The following CRISPLD2 variants were observed in gnomAD, a reference collection of about 807,000 sequenced individuals.
The protein encoded by CRISPLD2 is cysteine rich secretory protein LCCL domain containing 2, also known as cysteine-rich secretory protein LCCL domain-containing 2.
CRISPLD2 carries 47 observed loss-of-function variants against 71.1 expected under a neutral mutation model. The ratio of observed to expected loss-of-function variants is 0.66; its 90% CI spans 0.52 to 0.84. The LOEUF (loss-of-function observed/expected upper bound fraction) is 0.84. CRISPLD2 is among the 40% of genes least tolerant of loss of function. CRISPLD2 has a pLI of 0.00. For synonymous variants in CRISPLD2, 317 were observed against 250.1 expected (o/e 1.27, Z -2.52); for missense variants, 830 against 651.1 (o/e 1.27, Z -2.99).
intron 13 of CRISPLD2, 41 bp downstream of exon 13, chr16:84,880,625 G>C (rs2071560108): frequency 1.3e-6 from 2 of 1,521,656 alleles, no homozygotes; most frequent in African/African-American, 1.4e-5. Flanking sequence ...CGCAAAGCCT[G>C]TTAAAGACCT....
intron 10 of CRISPLD2, chr16:84,873,477 CAAA>C (rs1188564241): frequency 1.8e-4 from 4 of 22,722 alleles, no homozygotes; most frequent in Non-Finnish European, 3.9e-4. Flanking sequence ...AACTCCGTCT[CAAA>C]AAAAAAAAAA....
intron 14 of CRISPLD2, among the ~76,000 whole-genome samples, chr16:84,895,575 A>G (rs1469873427): frequency 6.6e-6 from 1 of 152,338 alleles, no homozygotes; most frequent in East Asian, 1.9e-4. Context: ...AGATTGTATT[A>G]TACGTGCTAG....
chr16:84,883,875 A>G (rs922878939), intron 13 of CRISPLD2, among the ~76,000 whole-genome samples: 11 of 129,584 alleles, frequency 8.5e-5, no homozygotes, highest in African/African-American at 3.2e-4. Flanking sequence ...ACGGAGTCTT[A>G]CTCTGTCACC....
intron 14 of CRISPLD2, among the ~76,000 whole-genome samples, chr16:84,899,712 A>G (rs1194738307): frequency 6.6e-6 from 1 of 152,126 alleles, no homozygotes; most frequent in South Asian, 2.1e-4. Context: ...AATGGGGTGC[A>G]TGGTTGTCCA....
chr16:84,899,665 G>A (rs1026857120), intron 14 of CRISPLD2, among the ~76,000 whole-genome samples: 6 of 152,274 alleles, frequency 3.9e-5, no homozygotes, highest in African/African-American at 7.2e-5. Context: ...CCAGCTTGTC[G>A]GGGCCTGCTC....
At chr16:84,856,094 G>C (rs1175540140) in intron 6 of CRISPLD2, among the ~76,000 whole-genome samples, 2 of 152,128 alleles carry the variant, frequency 1.3e-5, no homozygotes, top group African/African-American at 2.4e-5. Flanking sequence ...TATTCCCTTT[G>C]CCTTCAGCAA....
intron 14 of CRISPLD2, among the ~76,000 whole-genome samples, chr16:84,894,249 G>T (rs1019932106): frequency 6.6e-6 from 1 of 152,218 alleles, no homozygotes; most frequent in Non-Finnish European, 1.5e-5. Flanking sequence ...ATACTGGGAC[G>T]AAGGTGTCTG....
chr16:84,864,008 A>AAAAGAAAAGG (rs2143261565), intron 6 of CRISPLD2, among the ~76,000 whole-genome samples: 1 of 151,240 alleles, frequency 6.6e-6, no homozygotes, highest in African/African-American at 2.4e-5. Context: ...AAAAGAAAAG[A>AAAAGAAAAGG]AAAGAAAGAA....
chr16:84,861,778 TTAACC>T (rs1917388882), intron 6 of CRISPLD2, among the ~76,000 whole-genome samples: 3 of 151,990 alleles, frequency 2.0e-5, no homozygotes, highest in African/African-American at 7.2e-5. Flanking sequence ...AAATAGAAAA[TTAACC>T]AGGTGTGGTC....
chr16:84,833,208 C>G (rs537075245), intron 1 of CRISPLD2, among the ~76,000 whole-genome samples: 5 of 152,154 alleles, frequency 3.3e-5, no homozygotes, highest in African/African-American at 1.2e-4. Context: ...GTGTGGCTCC[C>G]GTCGCTTTGA....
intron 1 of CRISPLD2, among the ~76,000 whole-genome samples, chr16:84,832,391 A>T (rs1373059024): frequency 6.6e-6 from 1 of 152,266 alleles, no homozygotes; most frequent in Non-Finnish European, 1.5e-5. Flanking sequence ...CTCTTCCCCG[A>T]CAGCCCATGC....
At chr16:84,841,092 G>A (rs886799102) in intron 2 of CRISPLD2, among the ~76,000 whole-genome samples, 1 of 152,152 alleles carries the variant, frequency 6.6e-6, no homozygotes, top group Non-Finnish European at 1.5e-5. Flanking sequence ...CTGGATTCCC[G>A]GAAGAGGCAT....
At chr16:84,864,994 C>T (rs1917495634) in intron 6 of CRISPLD2, among the ~76,000 whole-genome samples, 1 of 152,162 alleles carries the variant, frequency 6.6e-6, no homozygotes, top group Non-Finnish European at 1.5e-5. Context: ...TGGAGAACCC[C>T]AGCCCAGGAA....
At chr16:84,886,038 C>G (rs2071610182) in intron 13 of CRISPLD2, among the ~76,000 whole-genome samples, 1 of 152,028 alleles carries the variant, frequency 6.6e-6, no homozygotes, top group South Asian at 2.1e-4. Flanking sequence ...CCAGGCTCAT[C>G]TTGATCCATG....
intron 6 of CRISPLD2, among the ~76,000 whole-genome samples, chr16:84,861,876 G>A (rs1444757351): frequency 1.3e-5 from 2 of 152,136 alleles, no homozygotes; most frequent in East Asian, 3.9e-4. Flanking sequence ...GCTGCAGTAA[G>A]CCATGATGGC....
chr16:84,880,693 A>AAATTAATTAATTAATTAATT (rs35870995), intron 13 of CRISPLD2, 109 bp downstream of exon 13: 2 of 593,668 alleles, frequency 3.4e-6, no homozygotes, highest in Non-Finnish European at 5.9e-6. Context: ...CCTCTTAGCT[A>AAATTAATTAATTAATTAATT]AATTAATTAA....
chr16:84,885,581 A>T (rs777677871), intron 13 of CRISPLD2, among the ~76,000 whole-genome samples: 12 of 152,272 alleles, frequency 7.9e-5, no homozygotes, highest in Middle Eastern at 3.4e-3. Flanking sequence ...GCTTTGGGCT[A>T]AGGAACCCCG....
chr16:84,904,320 T>C (rs1012083803), intron 14 of CRISPLD2, among the ~76,000 whole-genome samples: 2 of 147,834 alleles, frequency 1.4e-5, no homozygotes, highest in East Asian at 2.0e-4. Context: ...TACGGTGGCT[T>C]ACGCCTGAAA....
In CRISPLD2 at chr16:84,909,350, G is replaced by A. The variant is rs1033832547; in HGVS notation, c.*2708G>A. The stretch of plus-strand genomic sequence containing the variant: ...AATGATGTATTTTGCTACTTCCTGT[G>A]TACAAAGTTTTATTGTAAATGTTTT... On this transcript the variant is annotated 3_prime_UTR_variant, in exon 15 of 15. Transcript: ENST00000262424. 2.0e-5 allele frequency: 3 copies of A among 152,638 alleles called. No individual in the cohort carries two copies. The highest frequency in any genetic ancestry group is 2.1e-4 in the South Asian group (1 of 4,834). 9.5% of individuals were successfully genotyped at this position (152,638 alleles called of 1,614,324 possible).
Sources: allele counts gnomAD v4.1 joint callset (sites outside exome capture counted in the v4.1 genomes callset), GRCh38; gene constraint gnomAD v4.1.1; transcripts MANE v1.5; gene names NCBI Gene and HGNC (gene_info 2026-07-23, HGNC 2026-07-21).